The following GABRB2 variants were observed in gnomAD, a reference collection of about 807,000 sequenced individuals.
GABRB2 encodes the protein gamma-aminobutyric acid type A receptor subunit beta2.
GABRB2 carries 16 observed loss-of-function variants against 54.7 expected under a neutral mutation model. The observed-to-expected ratio is 0.29, with a 90% confidence interval of 0.20 to 0.44. The LOEUF is 0.44. Among genes scored for constraint, GABRB2 ranks in the 20% least tolerant of loss-of-function variants. The probability of loss-of-function intolerance (pLI) is 1.00; values close to 1 mark genes in which losing one functional copy is unlikely to be tolerated. For synonymous variants in GABRB2, 244 were observed against 233.8 expected (o/e 1.04, Z -0.40); for missense variants, 355 against 644.0 (o/e 0.55, Z 4.86).
intron 3 of GABRB2, among the ~76,000 whole-genome samples, chr5:161,511,036 G>C (rs1014824109): frequency 6.6e-6 from 1 of 151,864 alleles, no homozygotes; most frequent in Non-Finnish European, 1.5e-5. Flanking sequence ...ACTAATAATT[G>C]ATCACAGTAT....
chr5:161,534,358 G>A (rs554639980), intron 3 of GABRB2, among the ~76,000 whole-genome samples: 1 of 152,144 alleles, frequency 6.6e-6, no homozygotes, highest in Non-Finnish European at 1.5e-5. Flanking sequence ...GCTATAGAAT[G>A]ATTATAAAAC....
chr5:161,541,431 A>T lies in GABRB2; in HGVS notation c.237+3796T>A, dbSNP rs192065194. 1.7e-3 allele frequency among the ~76,000 whole-genome samples: 263 copies of T among 152,288 alleles called. 1 individual carries two copies. Among genetic ancestry groups the T allele is most frequent in the African/African-American group, 6.0e-3 (251 of 41,556 alleles). ...CATTGACTTCTCCTCTTTAGCTATG[A>T]CAGTCTTAGATGTCATCTTCTTCTG... is the stretch of plus-strand genomic sequence containing the variant. On this transcript the variant is annotated intron_variant, in intron 3 of 9. Transcript: ENST00000393959.
chr5:161,489,004 G>C (rs1759018655), intron 3 of GABRB2, among the ~76,000 whole-genome samples: 1 of 151,686 alleles, frequency 6.6e-6, no homozygotes, highest in African/African-American at 2.4e-5. Context: ...GATGAGAGAT[G>C]CTTTCGAAAG....
intron 9 of GABRB2, among the ~76,000 whole-genome samples, chr5:161,307,297 AG>A (rs1272990639): frequency 6.6e-6 from 1 of 152,174 alleles, no homozygotes; most frequent in Admixed American, 6.5e-5. Context: ...TTACTTCTAA[AG>A]GAATTTGTTT....
intron 3 of GABRB2, among the ~76,000 whole-genome samples, chr5:161,523,165 T>A (rs962552800): frequency 6.6e-5 from 10 of 151,546 alleles, no homozygotes; most frequent in Non-Finnish European, 1.3e-4. Flanking sequence ...AGCTAGTAAG[T>A]GGCAGAGCCA....
intron 3 of GABRB2, among the ~76,000 whole-genome samples, chr5:161,466,056 C>T (rs1010315568): frequency 2.6e-5 from 4 of 151,976 alleles, no homozygotes; most frequent in Non-Finnish European, 4.4e-5. Flanking sequence ...CTCAATGTTT[C>T]CATGTCTTTG....
chr5:161,341,850 A>T (rs1001609429), intron 5 of GABRB2, among the ~76,000 whole-genome samples: 1 of 149,182 alleles, frequency 6.7e-6, no homozygotes, highest in Non-Finnish European at 1.5e-5. Flanking sequence ...TGTGCAAAAA[A>T]TCTGAACCTG....
chr5:161,428,425 A>G (rs947906163), intron 4 of GABRB2, among the ~76,000 whole-genome samples: 1 of 151,852 alleles, frequency 6.6e-6, no homozygotes, highest in African/African-American at 2.4e-5. Flanking sequence ...CATCCTGCAT[A>G]TTTGCTACTT....
intron 9 of GABRB2, among the ~76,000 whole-genome samples, chr5:161,314,311 G>A (rs1485339730): frequency 6.6e-6 from 1 of 152,216 alleles, no homozygotes; most frequent in African/African-American, 2.4e-5. Context: ...CTGCTTTAGT[G>A]CCCTTGAAAC....
At chr5:161,459,915 A>G (rs537394128) in intron 3 of GABRB2, 71 bp from the exon 4 acceptor site, 1 of 755,834 alleles carries the variant, frequency 1.3e-6, no homozygotes, top group Admixed American at 2.6e-5. Flanking sequence ...CAAACATCTC[A>G]GTATTAATAA....
chr5:161,387,565 G>A (rs1008808680), intron 5 of GABRB2, among the ~76,000 whole-genome samples: 1 of 152,108 alleles, frequency 6.6e-6, no homozygotes, highest in African/African-American at 2.4e-5. Flanking sequence ...TGTAAAGAGT[G>A]TCAGGTATAT....
intron 4 of GABRB2, among the ~76,000 whole-genome samples, chr5:161,428,644 G>A (rs1757081692): frequency 6.6e-6 from 1 of 152,156 alleles, no homozygotes. Flanking sequence ...ACACCTGAAT[G>A]ACAATAAATG....
chr5:161,385,947 G>GTGT lies in GABRB2; in HGVS notation c.541+25027_541+25028insACA, dbSNP rs1561631724. ...TTTTAGTAACTGTTACCTATTGTCT[G>GTGT]GTGTGTGTGTGTGTGTGTGTGTGTG... is the stretch of plus-strand genomic sequence containing the variant. On this transcript the variant is annotated intron_variant, in intron 5 of 9. Transcript: ENST00000393959. 6.5e-3 allele frequency among the ~76,000 whole-genome samples: 604 copies of GTGT among 93,392 alleles called. 16 individuals are homozygous for GTGT. The highest frequency in any genetic ancestry group is 0.015 in the South Asian group (44 of 2,872). The allele number at this position is 93,392 out of a possible 152,430, so 61.3% of individuals were successfully genotyped here. A position where few individuals can be genotyped will look rare whatever the true frequency, so the allele number is the denominator to read the frequency against.
intron 3 of GABRB2, among the ~76,000 whole-genome samples, chr5:161,539,203 T>C (rs1760737833): frequency 6.6e-6 from 1 of 152,222 alleles, no homozygotes; most frequent in African/African-American, 2.4e-5. Flanking sequence ...AAAATTTGAA[T>C]CTTAAAATGC....
intron 4 of GABRB2, among the ~76,000 whole-genome samples, chr5:161,433,695 A>G (rs1757235145): frequency 6.6e-6 from 1 of 152,118 alleles, no homozygotes; most frequent in Non-Finnish European, 1.5e-5. Flanking sequence ...CTTCTCATCA[A>G]TTCTTGATTA....
intron 3 of GABRB2, among the ~76,000 whole-genome samples, chr5:161,512,721 C>T (rs1384927049): frequency 6.6e-6 from 1 of 151,936 alleles, no homozygotes; most frequent in Non-Finnish European, 1.5e-5. Flanking sequence ...CAAGTGGGAC[C>T]TAATTGAACT....
intron 8 of GABRB2, among the ~76,000 whole-genome samples, chr5:161,328,655 C>G (rs1173825603): frequency 6.6e-6 from 1 of 152,092 alleles, no homozygotes; most frequent in Non-Finnish European, 1.5e-5. Flanking sequence ...GGAGAAACAA[C>G]TTTGCTAAAG....
At chr5:161,463,556 T>TAGATATATAG (rs1491382248) in intron 3 of GABRB2, among the ~76,000 whole-genome samples, 1 of 40,910 alleles carries the variant, frequency 2.4e-5, no homozygotes, top group African/African-American at 8.5e-5. Context: ...TATTTTTATT[T>TAGATATATAG]ATATATATAT....
rs574913483 is a variant in GABRB2, at chr5:161,495,680, T to C, written c.238-35836A>G. The stretch of plus-strand genomic sequence containing the variant: ...AATGGAAGATTTCTTTGCTAGTATT[T>C]GTAGGTTTTCAAGCATGTTATTAGC... On this transcript the variant is annotated intron_variant, in intron 3 of 9. Coordinates refer to ENST00000393959, the MANE Select transcript of GABRB2 (RefSeq NM_001371727.1). Among the ~76,000 whole-genome samples the C allele has an allele frequency of 2.6e-5, 4 of 152,180 alleles. No homozygotes were observed. In the East Asian group the frequency reaches 7.8e-4, roughly 30 times the overall value.
Sources: gnomAD v4.1 joint callset for allele counts (sites outside exome capture counted in the v4.1 genomes callset) on GRCh38, gnomAD v4.1.1 for gene constraint, MANE v1.5 for transcripts, NCBI Gene and HGNC (gene_info 2026-07-23, HGNC 2026-07-21) for gene names.